Variants in CELA3B observed in about 807,000 individuals in gnomAD.
CELA3B encodes the protein chymotrypsin-like elastase family member 3B.
In CELA3B, 34 loss-of-function variants were observed where a neutral mutation model predicts 37.2. The ratio of observed to expected loss-of-function variants is 0.91; its 90% confidence interval spans 0.70 to 1.22. The LOEUF (loss-of-function observed/expected upper bound fraction) is 1.22. Ranked by LOEUF, CELA3B falls within the 50% of genes most tolerant of loss-of-function variation. CELA3B has a pLI of 0.00. For synonymous variants in CELA3B, 127 were observed against 143.5 expected (o/e 0.89, Z 0.82); for missense variants, 340 against 363.1 (o/e 0.94, Z 0.52).
intron 7 of CELA3B, among the ~76,000 whole-genome samples, chr1:21,988,590 T>TA (rs57938649): frequency 5.8e-5 from 6 of 104,300 alleles, no homozygotes; most frequent in African/African-American, 1.7e-4. Context: ...GACTCCATCT[T>TA]AAAAAAAAAA....
chr1:21,988,696 C>T (rs1228558738), intron 7 of CELA3B, among the ~76,000 whole-genome samples: 1 of 151,464 alleles, frequency 6.6e-6, no homozygotes, highest in Non-Finnish European at 1.5e-5. Flanking sequence ...TTGAGACCAT[C>T]CTGGCTAACA....
intron 5 of CELA3B, 48 bp from the exon 6 acceptor site, chr1:21,984,141 T>C: frequency 1.3e-6 from 2 of 1,588,772 alleles, no homozygotes; most frequent in Non-Finnish European, 1.7e-6. Context: ...CTGGGGCTCC[T>C]AGCCCTGTGC....
chr1:21,987,094 T>A (rs1368133093), intron 7 of CELA3B: 1 of 341,948 alleles, frequency 2.9e-6, no homozygotes, highest in Non-Finnish European at 5.8e-6. Context: ...TGGGGATGGG[T>A]GATCAGAGAG....
At chr1:21,992,754 C>G (rs1557868885), downstream of CELA3B, among the ~76,000 whole-genome samples, 1 of 150,996 alleles carries the variant, frequency 6.6e-6, no homozygotes, top group Non-Finnish European at 1.5e-5. Context: ...GGTAGGAGGA[C>G]TGGAGGACTG....
intron 2 of CELA3B, among the ~76,000 whole-genome samples, chr1:21,979,413 C>T (rs4504857): frequency 0.041 from 6,167 of 150,288 alleles, 254 homozygotes; most frequent in African/African-American, 0.11. Context: ...TTCAATTCCT[C>T]AGTGCTTGCC....
intron 4 of CELA3B, among the ~76,000 whole-genome samples, chr1:21,995,893 T>C (rs1206294904): frequency 1.3e-5 from 2 of 148,764 alleles, no homozygotes; most frequent in African/African-American, 5.1e-5. Context: ...CCGCAGTTTC[T>C]CTGTGTCCCA....
intron 6 of CELA3B, among the ~76,000 whole-genome samples, chr1:21,984,780 C>G (rs562836063): frequency 6.6e-6 from 1 of 152,036 alleles, no homozygotes; most frequent in East Asian, 1.9e-4. Flanking sequence ...AACCCCGTCT[C>G]TACTAAAAAT....
Position 21,981,030 on chromosome 1 carries a change from G to T in CELA3B, c.228-8G>T, listed in dbSNP as rs200445272. On this transcript the variant is annotated splice_region_variant and splice_polypyrimidine_tract_variant and intron_variant, in intron 3 of 7. Transcript: ENST00000337107. ...TCAGGCCCAGACTGACCTCACCTCC[G>T]CCCGCAGGAGCTCCCGGACCTACCA... 1.9e-6 allele frequency: 3 copies of T among 1,614,054 alleles called. No homozygotes were observed. Among genetic ancestry groups the T allele is most frequent in the Non-Finnish European group, 2.5e-6 (3 of 1,179,978 alleles).
At chr1:21,986,010 G>A (rs1298482610) in intron 6 of CELA3B, among the ~76,000 whole-genome samples, 5 of 88,410 alleles carry the variant, frequency 5.7e-5, no homozygotes, top group Non-Finnish European at 2.4e-5. Context: ...ACTGGATATC[G>A]TGCTAAGATC....
rs547613482 is a variant in CELA3B at position 21,997,167 on chromosome 1, C to G, written c.505-984C>G. Among the ~76,000 whole-genome samples the G allele has an allele frequency of 1.1e-4, 16 of 148,238 alleles. 1 individual carries two copies. Among genetic ancestry groups the G allele is most frequent in the African/African-American group, 4.0e-4 (16 of 39,672 alleles). ...TTGAAGTCAGGAGTTTGAGACCAGGCTGGCCAACCTGGTGAGACCCCATCT... is the reference window on the plus strand; with the variant it reads ...TTGAAGTCAGGAGTTTGAGACCAGGGTGGCCAACCTGGTGAGACCCCATCT... On this transcript the variant is annotated intron_variant, in intron 4 of 4. Transcript: ENST00000400277.
At chr1:21,985,155 C>T (rs1162539351) in intron 6 of CELA3B, among the ~76,000 whole-genome samples, 6 of 151,956 alleles carry the variant, frequency 3.9e-5, no homozygotes, top group African/African-American at 7.2e-5. Flanking sequence ...TGGTGGCACT[C>T]GCCTGTAGTC....
intron 7 of CELA3B, among the ~76,000 whole-genome samples, chr1:21,988,182 A>C (rs1340865244): frequency 1.3e-5 from 2 of 151,688 alleles, no homozygotes; most frequent in African/African-American, 4.9e-5. Context: ...ACTGCACTCC[A>C]GCCTGGGTGA....
intron 4 of CELA3B, 143 bp from the exon 5 acceptor site, chr1:21,983,551 G>GATA: frequency 1.5e-6 from 2 of 1,309,650 alleles, no homozygotes; most frequent in Non-Finnish European, 1.0e-6. Flanking sequence ...TAATAATAAT[G>GATA]ATGATGATGA....
intron 7 of CELA3B, among the ~76,000 whole-genome samples, chr1:21,987,224 G>A (rs1644844362): frequency 6.6e-6 from 1 of 151,500 alleles, no homozygotes; most frequent in Non-Finnish European, 1.5e-5. Context: ...GGAAGCAGAG[G>A]CAGGTGGATC....
downstream of CELA3B, among the ~76,000 whole-genome samples, chr1:21,993,367 T>C (rs147390024): frequency 0.01 from 1,514 of 144,786 alleles, 4 homozygotes; most frequent in African/African-American, 0.037. Context: ...GAGGCTGAGG[T>C]GGAAGAATTG....
chr1:21,981,746 G>C (rs1644806212), intron 4 of CELA3B, among the ~76,000 whole-genome samples: 1 of 147,042 alleles, frequency 6.8e-6, no homozygotes, highest in Admixed American at 6.9e-5. Context: ...TTTTTTTTGA[G>C]ATGCAGTCTC....
chr1:21,993,461 CAAAAAAAAA>C (rs58752734), downstream of CELA3B, among the ~76,000 whole-genome samples: 1 of 81,660 alleles, frequency 1.2e-5, no homozygotes, highest in African/African-American at 5.3e-5. Flanking sequence ...ACCTCCTCTC[CAAAAAAAAA>C]AAAAAAAAAG....
At position 21,980,893 on chromosome 1, in the gene CELA3B, T is replaced by A; in HGVS notation, c.199T>A (p.Trp67Arg). 6.2e-6 allele frequency: 10 copies of A among 1,613,074 alleles called. No homozygotes were observed. Among genetic ancestry groups the A allele is most frequent in the Non-Finnish European group, 8.5e-6 (10 of 1,179,690 alleles). Residue 67 changes from tryptophan to arginine, a missense_variant, in exon 3 of 8, where the codon TGG (tryptophan) becomes AGG (arginine). Physicochemically the swap from Trp to Arg is moderately radical, Grantham distance 101. Transcript: ENST00000337107. ...TGGCGGTAGCCTCATCGCCCCCGACTGGGTTGTGACTGCCGGCCACTGCAT... is the reference window on the plus strand; with the variant it reads ...TGGCGGTAGCCTCATCGCCCCCGACAGGGTTGTGACTGCCGGCCACTGCAT... ...TCGGSLIAPD[W>R]VVTAGHCISS...
At chr1:21,979,448 C>CTT (rs796330030) in intron 2 of CELA3B, among the ~76,000 whole-genome samples, 1,564 of 108,188 alleles carry the variant, frequency 0.014, 42 homozygotes, top group Non-Finnish European at 0.022. Flanking sequence ...CTTTTCTTTT[C>CTT]TTTTCTTTTT....
Sources: gnomAD v4.1 joint callset for allele counts (sites outside exome capture counted in the v4.1 genomes callset) on GRCh38, gnomAD v4.1.1 for gene constraint, MANE v1.5 for transcripts, NCBI Gene and HGNC (gene_info 2026-07-23, HGNC 2026-07-21) for gene names.